Variants in CYP51A1 observed in about 807,000 individuals in gnomAD.
CYP51A1 encodes the protein lanosterol 14-alpha demethylase.
Under a neutral mutation model 53.5 loss-of-function variants are expected in CYP51A1, and 45 were observed. The ratio of observed to expected loss-of-function variants is 0.84; its 90% CI spans 0.66 to 1.08. The LOEUF (loss-of-function observed/expected upper bound fraction) is 1.08, where lower values mean the gene tolerates loss of function less well. Among genes scored for constraint, CYP51A1 ranks in the 50% least tolerant of loss-of-function variants. The probability of loss-of-function intolerance (pLI) is 0.00; values close to 1 mark genes in which losing one functional copy is unlikely to be tolerated. For missense variants in CYP51A1, 462 were observed against 621.7 expected, an observed-to-expected ratio of 0.74 and a Z score of 2.73; for synonymous variants, 181 against 217.7, an observed-to-expected ratio of 0.83 and a Z score of 1.48.
chr7:92,120,854 TACAACTC>T (rs1442783378), intron 7 of CYP51A1, among the ~76,000 whole-genome samples: 1 of 152,126 alleles, frequency 6.6e-6, no homozygotes, highest in African/African-American at 2.4e-5. Flanking sequence ...GATGAACTCT[TACAACTC>T]AATAATAAAA....
In CYP51A1 at chr7:92,129,009, G is replaced by GT; in HGVS notation, c.338dup (p.Tyr113Ter). The change falls in exon 3 of 10, where the codon TAC becomes TAAC. Residue 113 changes from tyrosine (Y) to a stop codon, truncating the protein, a stop_gained and frameshift_variant. Transcript: ENST00000003100. LOFTEE classifies it high-confidence loss of function. ...GTGCAGCAGCATCACTCCCCAGAAGGTAAGTAAATGTCTTGCCTACCATGG... is the reference window on the plus strand; with the variant it reads ...GTGCAGCAGCATCACTCCCCAGAAGGTTAAGTAAATGTCTTGCCTACCATGG... ...SFTMVGKTFT[Y>*]LLGSDAAALL... 1 of 1,613,678 alleles carries GT rather than the reference G, an allele frequency of 6.2e-7. No individual in the cohort carries two copies. Among genetic ancestry groups the GT allele is most frequent in the Non-Finnish European group, 8.5e-7 (1 of 1,179,768 alleles).
At position 92,134,301 on chromosome 7, in the gene CYP51A1, G is replaced by T. The variant is rs1819996040; in HGVS notation, c.64C>A (p.Gln22Lys). 1.9e-5 allele frequency: 30 copies of T among 1,606,290 alleles called. No individual in the cohort carries two copies. The highest frequency in any genetic ancestry group is 1.7e-4 in the Middle Eastern group (1 of 6,030). Reference protein sequence around the residue: ...LLQAGGSVLGQAMEKVTGGNL... With the variant: ...LLQAGGSVLGKAMEKVTGGNL... ...CCGCCTGTCACCTTCTCCATCGCCT[G>T]GCCCAGCACCGACCCACCCGCCTGC... Residue 22 changes from glutamine to lysine, a missense_variant, in exon 1 of 10, where the codon CAG becomes AAG. Physicochemically the swap from Gln to Lys is moderately conservative, Grantham distance 53. Transcript: ENST00000003100.
chr7:92,118,922 A>C (rs1265461887), intron 7 of CYP51A1, among the ~76,000 whole-genome samples: 1 of 152,238 alleles, frequency 6.6e-6, no homozygotes, highest in African/African-American at 2.4e-5. Context: ...GATTAACCAA[A>C]GGCTTGCAAC....
At chr7:92,121,530 C>T (rs1819693885) in intron 7 of CYP51A1, among the ~76,000 whole-genome samples, 2 of 152,046 alleles carry the variant, frequency 1.3e-5, no homozygotes, top group Non-Finnish European at 1.5e-5. Context: ...ACGTTTAGAG[C>T]GGCATTATTC....
intron 2 of CYP51A1, among the ~76,000 whole-genome samples, chr7:92,131,232 A>G (rs1819910436): frequency 6.6e-6 from 1 of 152,208 alleles, no homozygotes; most frequent in Admixed American, 6.5e-5. Context: ...TACGAATAGG[A>G]TATCTAAATT....
chr7:92,134,461 G>C lies in CYP51A1; in HGVS notation c.-97C>G, dbSNP rs1820002257. 7.5e-7 allele frequency: 1 copy of C among 1,330,488 alleles called. No individual in the cohort carries two copies. Among genetic ancestry groups the C allele is most frequent in the Admixed American group, 2.8e-5 (1 of 36,106 alleles). 82.4% of individuals were successfully genotyped at this position (1,330,488 alleles called of 1,614,324 possible). Reference sequence around the variant, plus strand: ...CAGATGGTCGTCCACAGGGGGCCTTGCCCCAGGTCTCCTACTAAACCCAGC... The same window carrying C: ...CAGATGGTCGTCCACAGGGGGCCTTCCCCCAGGTCTCCTACTAAACCCAGC... On this transcript the variant is annotated 5_prime_UTR_variant, in exon 1 of 10. Coordinates refer to ENST00000003100, the MANE Select transcript of CYP51A1 (RefSeq NM_000786.4).
chr7:92,133,865 T>TACAACCACAAATGCC (rs1172946333), intron 1 of CYP51A1, among the ~76,000 whole-genome samples: 1 of 152,068 alleles, frequency 6.6e-6, no homozygotes, highest in East Asian at 1.9e-4. Flanking sequence ...TACAGACCGC[T>TACAACCACAAATGCC]ACAACCACAA....
At chr7:92,134,605 G>A (rs1000488498), upstream of CYP51A1, 1 of 491,182 alleles carries the variant, frequency 2.0e-6, no homozygotes, top group Non-Finnish European at 3.6e-6. Context: ...CGCGGGATAG[G>A]GCACCTGAGG....
At chr7:92,116,844 A>G (rs953806290) in intron 9 of CYP51A1, among the ~76,000 whole-genome samples, 200 bp downstream of exon 9, 2 of 152,190 alleles carry the variant, frequency 1.3e-5, no homozygotes, top group African/African-American at 4.8e-5. Context: ...AGCATTATAT[A>G]AGGATTTATG....
Position 92,112,845 on chromosome 7 carries a change from AAAGG to A in CYP51A1, c.*816_*819del, listed in dbSNP as rs1486286208. On this transcript the variant is annotated 3_prime_UTR_variant, in exon 10 of 10. Coordinates refer to ENST00000003100, the MANE Select transcript of CYP51A1 (RefSeq NM_000786.4). Reference sequence around the variant, plus strand: ...CTCCATCTCAAAAAAAAAAAAAAAAAAAGGAAGCAGGGAACAACTGAGCCAAAAC... The same window carrying A: ...CTCCATCTCAAAAAAAAAAAAAAAAAAAGCAGGGAACAACTGAGCCAAAAC... 3.3e-3 allele frequency: 498 copies of A among 152,178 alleles called. 6 individuals carry two copies. Among genetic ancestry groups the A allele is most frequent in the African/African-American group, 0.011 (473 of 41,370 alleles). 9.4% of individuals were successfully genotyped at this position (152,178 alleles called of 1,614,324 possible).
intron 1 of CYP51A1, among the ~76,000 whole-genome samples, 191 bp from the exon 2 acceptor site, chr7:92,132,063 T>C (rs1056528532): frequency 3.3e-5 from 5 of 152,122 alleles, no homozygotes; most frequent in Non-Finnish European, 7.4e-5. Context: ...GTAGCTATTG[T>C]AGAAAAGAAC....
chr7:92,126,144 T>G, intron 5 of CYP51A1, 109 bp downstream of exon 5: 4 of 716,898 alleles, frequency 5.6e-6, no homozygotes, highest in Non-Finnish European at 8.5e-6. Context: ...CTTACCCATT[T>G]TGTATGTTTT....
chr7:92,123,027 A>G, intron 7 of CYP51A1, 93 bp downstream of exon 7: 1 of 911,878 alleles, frequency 1.1e-6, no homozygotes, highest in South Asian at 1.7e-5. Context: ...TTTAAGCTAT[A>G]GTATATAGAA....
In CYP51A1 at chr7:92,126,388, G is replaced by C. The variant is rs771282146; in HGVS notation, c.635C>G (p.Ala212Gly). 1.9e-6 allele frequency: 3 copies of C among 1,613,682 alleles called. No homozygotes were observed. Among genetic ancestry groups the C allele is most frequent in the East Asian group, 2.2e-5 (1 of 44,870 alleles). The part of the protein sequence containing the change: ...EALSELIILT[A>G]SHCLHGKEIR... ...TTCCTTTCCATGCAAACAATGGCTAGCTGTTAAAATTATGAGCTCAGAAAG... is the reference window on the plus strand; with the variant it reads ...TTCCTTTCCATGCAAACAATGGCTACCTGTTAAAATTATGAGCTCAGAAAG... The change falls in exon 5 of 10, where the codon GCT becomes GGT. Residue 212 changes from alanine (A) to glycine (G), a missense_variant. Physicochemically the swap from Ala to Gly is moderately conservative, Grantham distance 60 (BLOSUM62 0). Coordinates refer to ENST00000003100, the MANE Select transcript of CYP51A1 (RefSeq NM_000786.4).
chr7:92,125,093 G>A (rs942335173), intron 5 of CYP51A1, among the ~76,000 whole-genome samples: 6 of 145,316 alleles, frequency 4.1e-5, no homozygotes, highest in African/African-American at 7.8e-5. Flanking sequence ...GCAGTGAGCC[G>A]AGCTCATGCC....
chr7:92,126,176 G>T, intron 5 of CYP51A1, 77 bp downstream of exon 5: 2 of 1,012,048 alleles, frequency 2.0e-6, no homozygotes, highest in Non-Finnish European at 2.7e-6. Context: ...TTTTATCTTT[G>T]TTAAGGCAAA....
chr7:92,120,407 T>C (rs1369776954), intron 7 of CYP51A1, among the ~76,000 whole-genome samples: 1 of 152,210 alleles, frequency 6.6e-6, no homozygotes, highest in East Asian at 1.9e-4. Context: ...GGAATAGAAC[T>C]GAGTCCAGAA....
At chr7:92,127,409 G>A in intron 4 of CYP51A1, 96 bp downstream of exon 4, 1 of 1,158,330 alleles carries the variant, frequency 8.6e-7, no homozygotes. Context: ...TACATACACT[G>A]TAATTTGTTT....
intron 2 of CYP51A1, among the ~76,000 whole-genome samples, chr7:92,129,718 T>A (rs1423826693): frequency 6.6e-6 from 1 of 151,784 alleles, no homozygotes; most frequent in East Asian, 1.9e-4. Context: ...TTGGAAAAAA[T>A]ACAAATTAAT....
Sources: allele counts gnomAD v4.1 joint callset (sites outside exome capture counted in the v4.1 genomes callset), GRCh38; gene constraint gnomAD v4.1.1; transcripts MANE v1.5; gene names NCBI Gene and HGNC (gene_info 2026-07-23, HGNC 2026-07-21).